The following PLCG2 variants were observed in gnomAD, a reference collection of about 807,000 sequenced individuals.
The protein encoded by PLCG2 is 1-phosphatidylinositol 4,5-bisphosphate phosphodiesterase gamma-2.
A neutral mutation model predicts 175.6 loss-of-function variants in PLCG2; 69 were observed. That is an observed-to-expected ratio of 0.39 (90% CI 0.32 to 0.48). The LOEUF (loss-of-function observed/expected upper bound fraction) is 0.48, where lower values mean the gene tolerates loss of function less well. Ranked by LOEUF, PLCG2 falls within the 20% of genes least tolerant of loss-of-function variation. The probability of loss-of-function intolerance (pLI) is 0.91; values close to 1 mark genes in which losing one functional copy is unlikely to be tolerated. For synonymous variants in PLCG2, 827 were observed against 624.0 expected (o/e 1.33, Z -4.85); for missense variants, 1,798 against 1,650.9 (o/e 1.09, Z -1.54).
Position 81,784,234 on chromosome 16 carries a change from T to G in PLCG2, c.-47-1709T>G, listed in dbSNP as rs549882043. Among the ~76,000 whole-genome samples, 58 of 152,284 alleles carry G rather than the reference T, an allele frequency of 3.8e-4. 1 individual carries two copies. Among genetic ancestry groups the G allele is most frequent in the South Asian group, 2.7e-3 (13 of 4,828 alleles). Reference sequence around the variant, plus strand: ...CTGGGCCCCTCCCCATTCCCCTCATTTGCATCCTAGTCCCCACCTCAGTGC... The same window carrying G: ...CTGGGCCCCTCCCCATTCCCCTCATGTGCATCCTAGTCCCCACCTCAGTGC... On this transcript the variant is annotated intron_variant, in intron 1 of 32. Coordinates refer to ENST00000564138, the MANE Select transcript of PLCG2 (RefSeq NM_002661.5).
At chr16:81,925,012 G>T (rs1473285105) in intron 22 of PLCG2, among the ~76,000 whole-genome samples, 3 of 152,218 alleles carry the variant, frequency 2.0e-5, no homozygotes, top group Non-Finnish European at 4.4e-5. Flanking sequence ...GTGCGCACTG[G>T]GTGGGTGACT....
chr16:81,818,696 A>G (rs1904659330), intron 2 of PLCG2, among the ~76,000 whole-genome samples: 1 of 151,966 alleles, frequency 6.6e-6, no homozygotes. Context: ...GGGCAGCAGG[A>G]AATGGCTGAA....
In PLCG2 at chr16:81,959,592, T is replaced by A. The variant is rs1268166504; in HGVS notation, c.*1594T>A. On this transcript the variant is annotated 3_prime_UTR_variant, in exon 33 of 33. Transcript: ENST00000564138. ...AAGGGCTGTTATCTGGTGCTATCACTCCAGTTACTCCTCCAACTGGGAGCT... is the reference window on the plus strand; with the variant it reads ...AAGGGCTGTTATCTGGTGCTATCACACCAGTTACTCCTCCAACTGGGAGCT... 1.0e-5 allele frequency: 2 copies of A among 197,070 alleles called. No individual in the cohort carries two copies. Among genetic ancestry groups the A allele is most frequent in the Non-Finnish European group, 2.1e-5 (2 of 95,046 alleles). 12.2% of individuals were successfully genotyped at this position (197,070 alleles called of 1,614,324 possible).
intron 5 of PLCG2, among the ~76,000 whole-genome samples, chr16:81,868,989 G>T (rs2143526070): frequency 6.6e-6 from 1 of 152,366 alleles, no homozygotes; most frequent in African/African-American, 2.4e-5. Flanking sequence ...CCTACCCTGT[G>T]AGTCTGCTAT....
chr16:81,815,229 A>T (rs2143310536), intron 2 of PLCG2, among the ~76,000 whole-genome samples: 1 of 152,282 alleles, frequency 6.6e-6, no homozygotes, highest in East Asian at 1.9e-4. Flanking sequence ...ATGGGGCCTT[A>T]CTGGACAGTG....
chr16:81,916,739 G>A (rs775832085), intron 19 of PLCG2, among the ~76,000 whole-genome samples: 1 of 152,116 alleles, frequency 6.6e-6, no homozygotes, highest in East Asian at 1.9e-4. Context: ...CTGGGTTCAA[G>A]GGAGTCTCCT....
chr16:81,809,391 A>T (rs1037409322), intron 2 of PLCG2, among the ~76,000 whole-genome samples: 1 of 152,138 alleles, frequency 6.6e-6, no homozygotes, highest in Non-Finnish European at 1.5e-5. Context: ...CTTGTTCTGC[A>T]CTGACTCCCA....
rs1906835492 is a variant in PLCG2, at chr16:81,859,172, C to T, written c.479+9C>T. ...CAAACCAGAAGAAACAGGTAAGAGT[C>T]ATTCAGTTTTTTTCTGATCACTTTG... On this transcript the variant is annotated intron_variant, in intron 5 of 32. Coordinates refer to ENST00000564138, the MANE Select transcript of PLCG2 (RefSeq NM_002661.5). 1.3e-6 allele frequency: 2 copies of T among 1,574,598 alleles called. No individual in the cohort carries two copies. Among genetic ancestry groups the T allele is most frequent in the East Asian group, 2.2e-5 (1 of 44,694 alleles).
At chr16:81,782,433 A>G (rs1176637472) in intron 1 of PLCG2, among the ~76,000 whole-genome samples, 1 of 151,914 alleles carries the variant, frequency 6.6e-6, no homozygotes, top group African/African-American at 2.4e-5. Flanking sequence ...AGCAAAATGG[A>G]AGTTGCTGTG....
intron 2 of PLCG2, among the ~76,000 whole-genome samples, chr16:81,773,494 C>T (rs1910327880): frequency 6.6e-6 from 1 of 152,154 alleles, no homozygotes; most frequent in Non-Finnish European, 1.5e-5. Context: ...CTGGGATTCA[C>T]ACTGAGGCCC....
chr16:81,916,385 AT>A (rs568787242), intron 19 of PLCG2, among the ~76,000 whole-genome samples: 3 of 152,168 alleles, frequency 2.0e-5, no homozygotes, highest in Admixed American at 1.3e-4. Context: ...CCTTTTCTTG[AT>A]TTTTTTCCCT....
At chr16:81,858,775 G>A (rs1430078074) in intron 4 of PLCG2, among the ~76,000 whole-genome samples, 1 of 152,222 alleles carries the variant, frequency 6.6e-6, no homozygotes. Context: ...TGTCATGGGA[G>A]TCTAGATGGG....
intron 30 of PLCG2, among the ~76,000 whole-genome samples, chr16:81,945,409 CAT>C (rs1266987437): frequency 6.6e-6 from 1 of 152,240 alleles, no homozygotes; most frequent in African/African-American, 2.4e-5. Flanking sequence ...GCAACTCAAA[CAT>C]ATGCATAGGC....
intron 1 of PLCG2, among the ~76,000 whole-genome samples, chr16:81,746,146 G>T (rs1376373317): frequency 1.3e-5 from 2 of 152,200 alleles, no homozygotes; most frequent in African/African-American, 4.8e-5. Flanking sequence ...GACAGGACCA[G>T]CCCATGGGTG....
chr16:81,840,497 G>A (rs933821420), intron 2 of PLCG2, among the ~76,000 whole-genome samples: 3 of 152,182 alleles, frequency 2.0e-5, no homozygotes, highest in South Asian at 2.1e-4. Context: ...ATCAGTGGGA[G>A]ACCTGAGCTT....
chr16:81,888,779 G>A (rs1375337896), intron 9 of PLCG2, among the ~76,000 whole-genome samples: 2 of 152,192 alleles, frequency 1.3e-5, no homozygotes, highest in African/African-American at 2.4e-5. Context: ...GCTATCATAG[G>A]GCAGGAGCTG....
intron 2 of PLCG2, among the ~76,000 whole-genome samples, chr16:81,842,229 A>G (rs1038965023): frequency 2.0e-5 from 3 of 152,208 alleles, no homozygotes; most frequent in African/African-American, 7.2e-5. Context: ...GGTGAGCTCC[A>G]GTCTGCAGAA....
At chr16:81,838,296 A>C (rs1053460981) in intron 2 of PLCG2, among the ~76,000 whole-genome samples, 1 of 152,156 alleles carries the variant, frequency 6.6e-6, no homozygotes, top group Admixed American at 6.5e-5. Context: ...CATGTTTCCC[A>C]GGCAGGTTTT....
Position 81,755,132 on chromosome 16 carries a change from C to G in PLCG2, c.-144-738C>G, listed in dbSNP as rs75406856. 4.6e-3 allele frequency among the ~76,000 whole-genome samples: 697 copies of G among 152,276 alleles called. 5 individuals carry two copies. The highest frequency in any genetic ancestry group is 0.016 in the African/African-American group (665 of 41,566). ...TAGCAAGCAGGGAAGAGAAGCCCAG[C>G]TGAGCTGAGAGGTGGCTGACAATGG... On this transcript the variant is annotated intron_variant, in intron 1 of 5. Coordinates refer to the PLCG2 transcript ENST00000565054.
Sources: allele counts gnomAD v4.1 joint callset (sites outside exome capture counted in the v4.1 genomes callset), GRCh38; gene constraint gnomAD v4.1.1; transcripts MANE v1.5; gene names NCBI Gene and HGNC (gene_info 2026-07-23, HGNC 2026-07-21).